The following SLCO6A1 variants were observed in gnomAD, a reference collection of about 807,000 sequenced individuals.
SLCO6A1 encodes cancer/testis antigen 48.
In SLCO6A1, 65 loss-of-function variants were observed where a neutral mutation model predicts 72.7. That is an observed-to-expected ratio of 0.89 (90% CI 0.73 to 1.10). SLCO6A1 has a LOEUF of 1.10. Ranked by LOEUF, SLCO6A1 falls within the 50% of genes least tolerant of loss-of-function variation. SLCO6A1 has a pLI of 0.00. For missense variants in SLCO6A1, 874 were observed against 872.6 expected (o/e 1.00, Z -0.02); for synonymous variants, 314 against 298.2 (o/e 1.05, Z -0.55).
chr5:102,391,244 T>C lies in SLCO6A1; in HGVS notation c.1815-199A>G, dbSNP rs562852987. On this transcript the variant is annotated intron_variant, in intron 10 of 13. Transcript: ENST00000506729. ...TCCATATCCTGCCCCTTGCCAGCCATTTCCAAAGGTCCTTAGTCTTCCCAA... is the reference window on the plus strand; with the variant it reads ...TCCATATCCTGCCCCTTGCCAGCCACTTCCAAAGGTCCTTAGTCTTCCCAA... 2.6e-4 allele frequency: 147 copies of C among 562,872 alleles called. No individual in the cohort carries two copies. In the South Asian group the frequency reaches 3.3e-3, roughly 13 times the overall value. The allele number at this position is 562,872 out of a possible 1,614,324, so 34.9% of individuals were successfully genotyped here.
At chr5:102,394,555 C>T (rs980001730) in intron 10 of SLCO6A1, among the ~76,000 whole-genome samples, 2 of 151,384 alleles carry the variant, frequency 1.3e-5, no homozygotes, top group African/African-American at 4.9e-5. Flanking sequence ...ATAATAAAAA[C>T]CTGAGAAAAA....
At chr5:102,445,320 G>C (rs1750049633) in intron 6 of SLCO6A1, among the ~76,000 whole-genome samples, 1 of 152,108 alleles carries the variant, frequency 6.6e-6, no homozygotes, top group Non-Finnish European at 1.5e-5. Flanking sequence ...CTAATAATGA[G>C]TGACACTGAG....
chr5:102,473,892 C>T (rs1751759098), intron 4 of SLCO6A1, among the ~76,000 whole-genome samples: 1 of 151,732 alleles, frequency 6.6e-6, no homozygotes, highest in South Asian at 2.1e-4. Flanking sequence ...AACTATAAAA[C>T]ATTATTGAAA....
chr5:102,387,666 G>A (rs1381700556), intron 12 of SLCO6A1, among the ~76,000 whole-genome samples: 1 of 151,998 alleles, frequency 6.6e-6, no homozygotes, highest in South Asian at 2.1e-4. Context: ...ACAGATATTT[G>A]TTACTCTTAA....
At chr5:102,456,701 C>T (rs1483006138) in intron 6 of SLCO6A1, among the ~76,000 whole-genome samples, 1 of 152,110 alleles carries the variant, frequency 6.6e-6, no homozygotes, top group East Asian at 1.9e-4. Context: ...AGATTCAATG[C>T]CATTCCCATC....
intron 6 of SLCO6A1, among the ~76,000 whole-genome samples, chr5:102,451,054 C>A (rs997396533): frequency 2.6e-5 from 4 of 152,096 alleles, no homozygotes; most frequent in Admixed American, 6.6e-5. Flanking sequence ...TGCTGGGTGC[C>A]CAAGTGGAGA....
At chr5:102,420,317 T>C (rs1208558520) in intron 7 of SLCO6A1, among the ~76,000 whole-genome samples, 1 of 152,148 alleles carries the variant, frequency 6.6e-6, no homozygotes, top group Non-Finnish European at 1.5e-5. Context: ...CCATGCAAAA[T>C]GGAAGACGAG....
At chr5:102,403,547 CT>C (rs1422718208) in intron 9 of SLCO6A1, among the ~76,000 whole-genome samples, 1 of 152,034 alleles carries the variant, frequency 6.6e-6, no homozygotes, top group Non-Finnish European at 1.5e-5. Flanking sequence ...ATAGAAAAGA[CT>C]TTATATGCTT....
intron 12 of SLCO6A1, among the ~76,000 whole-genome samples, chr5:102,382,307 T>C (rs1746153745): frequency 6.6e-6 from 1 of 151,856 alleles, no homozygotes; most frequent in Non-Finnish European, 1.5e-5. Flanking sequence ...ATGCATAGTT[T>C]ATTTCTTTGT....
rs199902417 is a variant in SLCO6A1, at chr5:102,413,119, C to T, written c.1497G>A (p.Thr499=). The T allele has an allele frequency of 1.4e-5, 22 of 1,562,486 alleles. No individual in the cohort carries two copies. Among genetic ancestry groups the T allele is most frequent in the Middle Eastern group, 3.5e-4 (2 of 5,672 alleles). Residue 499 remains threonine (T), a synonymous_variant, in exon 9 of 14, where the codon ACG becomes ACA. Coordinates refer to ENST00000506729, the MANE Select transcript of SLCO6A1 (RefSeq NM_173488.5). The part of the protein sequence containing the change: ...YDGTGKLGNL[T]APCNEKCRCS... ...ATCTACATTTTTCATTGCAAGGAGC[C>T]GTGAGGTTTCCCAACTTCCCTGTTC...
chr5:102,448,858 A>G (rs1750260757), intron 6 of SLCO6A1, among the ~76,000 whole-genome samples: 1 of 152,092 alleles, frequency 6.6e-6, no homozygotes, highest in South Asian at 2.1e-4. Flanking sequence ...GGGAGCTATA[A>G]CCCATTTCTG....
rs191166541 is a variant in SLCO6A1 at position 102,455,752 on chromosome 5, C to A, written c.1131+2630G>T. Reference sequence around the variant, plus strand: ...GAAGGAAAATACCTGGTGCCAATCTCTGACACTAGTCAAGTTATTGGCAAA... The same window carrying A: ...GAAGGAAAATACCTGGTGCCAATCTATGACACTAGTCAAGTTATTGGCAAA... On this transcript the variant is annotated intron_variant, in intron 6 of 13. Transcript: ENST00000506729. Among the ~76,000 whole-genome samples the A allele has an allele frequency of 7.7e-4, 118 of 152,312 alleles. 1 individual carries two copies. The highest frequency in any genetic ancestry group is 4.4e-5 in the Non-Finnish European group (3 of 68,022).
chr5:102,485,057 G>C (rs911894242), intron 1 of SLCO6A1, among the ~76,000 whole-genome samples: 1 of 151,836 alleles, frequency 6.6e-6, no homozygotes, highest in African/African-American at 2.4e-5. Flanking sequence ...TTCGAGACCA[G>C]CCTAACCAGC....
intron 10 of SLCO6A1, among the ~76,000 whole-genome samples, chr5:102,398,505 G>A (rs139485841): frequency 2.0e-5 from 3 of 152,128 alleles, no homozygotes; most frequent in East Asian, 1.9e-4. Context: ...AGGGCTTTCC[G>A]TTTTCTCCAG....
chr5:102,463,116 A>G (rs1375112440), intron 4 of SLCO6A1, among the ~76,000 whole-genome samples: 4 of 147,678 alleles, frequency 2.7e-5, no homozygotes, highest in African/African-American at 1.0e-4. Flanking sequence ...AAGAACATCA[A>G]TAGACAACTC....
At chr5:102,478,302 A>C (rs942077674) in intron 2 of SLCO6A1, among the ~76,000 whole-genome samples, 2 of 152,218 alleles carry the variant, frequency 1.3e-5, no homozygotes, top group Non-Finnish European at 2.9e-5. Context: ...ACATAGACAT[A>C]GCACATATTC....
At chr5:102,397,183 A>C (rs542871464) in intron 10 of SLCO6A1, among the ~76,000 whole-genome samples, 6 of 152,224 alleles carry the variant, frequency 3.9e-5, no homozygotes, top group Non-Finnish European at 5.9e-5. Flanking sequence ...CATTGTCTAT[A>C]GTAATGTTTG....
At chr5:102,432,397 G>C (rs1357843064) in intron 7 of SLCO6A1, among the ~76,000 whole-genome samples, 2 of 152,068 alleles carry the variant, frequency 1.3e-5, no homozygotes, top group Non-Finnish European at 2.9e-5. Context: ...CATATTTAGT[G>C]CTTCTTTCAG....
intron 12 of SLCO6A1, among the ~76,000 whole-genome samples, chr5:102,384,059 G>C (rs1561415696): frequency 6.6e-6 from 1 of 151,624 alleles, no homozygotes; most frequent in East Asian, 1.9e-4. Flanking sequence ...TTATTTATTT[G>C]AGTCTTCTCT....
Sources: gnomAD v4.1 joint callset for allele counts (sites outside exome capture counted in the v4.1 genomes callset) on GRCh38, gnomAD v4.1.1 for gene constraint, MANE v1.5 for transcripts, NCBI Gene and HGNC (gene_info 2026-07-23, HGNC 2026-07-21) for gene names.